TTC7A: variants seen among roughly 807,000 people sequenced by gnomAD.
TTC7A encodes the protein tetratricopeptide repeat protein 7A.
Under a neutral mutation model 103.7 loss-of-function variants are expected in TTC7A, and 110 were observed. The ratio of observed to expected loss-of-function variants is 1.06; its 90% CI spans 0.91 to 1.24. TTC7A has a LOEUF of 1.24. Ranked by LOEUF, TTC7A falls within the 50% of genes most tolerant of loss-of-function variation. The pLI is 0.00. For missense variants in TTC7A, 1,340 were observed against 1,116.3 expected, an observed-to-expected ratio of 1.20 and a Z score of -2.86; for synonymous variants, 521 against 467.9, an observed-to-expected ratio of 1.11 and a Z score of -1.47.
chr2:47,017,018 G>A (rs560104429), intron 11 of TTC7A, among the ~76,000 whole-genome samples: 1 of 152,030 alleles, frequency 6.6e-6, no homozygotes, highest in Non-Finnish European at 1.5e-5. Flanking sequence ...GGCTAACATG[G>A]TGAAACCCCA....
chr2:46,962,762 G>T (rs993868834), intron 3 of TTC7A, among the ~76,000 whole-genome samples: 2 of 152,220 alleles, frequency 1.3e-5, no homozygotes, highest in African/African-American at 4.8e-5. Context: ...CACCAGAAAA[G>T]GCCATTTGTG....
chr2:47,046,284 G>T (rs369389346), intron 15 of TTC7A, 31 bp from the exon 16 acceptor site: 2 of 1,572,316 alleles, frequency 1.3e-6, no homozygotes, highest in African/African-American at 1.4e-5. Flanking sequence ...CCTTGCTGGG[G>T]TGTGCTGATG....
intron 3 of TTC7A, among the ~76,000 whole-genome samples, chr2:46,965,026 A>C (rs957365664): frequency 1.3e-5 from 2 of 152,196 alleles, no homozygotes; most frequent in South Asian, 4.1e-4. Flanking sequence ...CGTGGTGCAC[A>C]TGAACTGTGC....
At chr2:46,982,339 A>C (rs1429788304) in intron 5 of TTC7A, among the ~76,000 whole-genome samples, 1 of 152,050 alleles carries the variant, frequency 6.6e-6, no homozygotes, top group Non-Finnish European at 1.5e-5. Flanking sequence ...GTGCCACTGC[A>C]CTACAGCCTG....
intron 10 of TTC7A, among the ~76,000 whole-genome samples, chr2:47,009,902 T>TGG (rs1677847893): frequency 2.1e-5 from 2 of 95,562 alleles, no homozygotes; most frequent in Admixed American, 2.2e-4. Context: ...TTTTTTTTTT[T>TGG]TGGTGGTGGG....
intron 5 of TTC7A, 65 bp downstream of exon 5, chr2:46,978,972 C>T (rs979648556): frequency 3.5e-6 from 4 of 1,141,384 alleles, no homozygotes; most frequent in African/African-American, 3.0e-5. Flanking sequence ...TTGACGTGGC[C>T]TTAAGGCTGC....
At chr2:47,045,650 T>G (rs1682236413) in intron 15 of TTC7A, 1 of 152,292 alleles carries the variant, frequency 6.6e-6, no homozygotes, top group Non-Finnish European at 1.5e-5. Flanking sequence ...GGGAGCTGGC[T>G]ATTTTGGGAA....
At chr2:47,035,376 C>T (rs994881427) in intron 15 of TTC7A, 3 of 152,238 alleles carry the variant, frequency 2.0e-5, no homozygotes, top group African/African-American at 7.2e-5. Context: ...CCTTGCAAGC[C>T]ACGTGGCAGA....
At chr2:46,936,711 T>A (rs760948602), upstream of TTC7A, among the ~76,000 whole-genome samples, 4 of 152,176 alleles carry the variant, frequency 2.6e-5, no homozygotes, top group Non-Finnish European at 5.9e-5. Context: ...CCAAAGATAA[T>A]TTAGAATTGC....
At chr2:46,951,432 A>G (rs7593939) in intron 2 of TTC7A, among the ~76,000 whole-genome samples, 83,067 of 151,930 alleles carry the variant, frequency 0.55, 22,857 homozygotes, top group East Asian at 0.62. Flanking sequence ...TGTATCCTGA[A>G]CTATAATAGT....
intron 5 of TTC7A, among the ~76,000 whole-genome samples, chr2:46,984,348 AG>A (rs1674785364): frequency 6.6e-6 from 1 of 152,190 alleles, no homozygotes; most frequent in African/African-American, 2.4e-5. Context: ...GGAGGAAGTA[AG>A]GGTGAGGCCC....
At chr2:47,017,246 AG>A (rs1678767663) in intron 11 of TTC7A, among the ~76,000 whole-genome samples, 1 of 140,944 alleles carries the variant, frequency 7.1e-6, no homozygotes, top group Non-Finnish European at 1.5e-5. Context: ...CTGGGGTGGT[AG>A]GTCATGCCTA....
At chr2:47,067,122 A>G (rs1194766216) in intron 19 of TTC7A, among the ~76,000 whole-genome samples, 2 of 152,212 alleles carry the variant, frequency 1.3e-5, no homozygotes, top group African/African-American at 4.8e-5. Context: ...ATCACCTCTT[A>G]AAGGTCTCAC....
chr2:47,041,682 G>A (rs1475859014), intron 15 of TTC7A, among the ~76,000 whole-genome samples: 1 of 151,870 alleles, frequency 6.6e-6, no homozygotes, highest in Non-Finnish European at 1.5e-5. Context: ...GAACCCAGGA[G>A]GCAGAGGTTG....
At chr2:46,926,744 CA>C (rs1211010704) in intron 2 of TTC7A, among the ~76,000 whole-genome samples, 6 of 152,166 alleles carry the variant, frequency 3.9e-5, no homozygotes. Flanking sequence ...GACAACTAGA[CA>C]TGAGGAAACA....
At chr2:46,918,237 G>C (rs945975446) in intron 2 of TTC7A, among the ~76,000 whole-genome samples, 2 of 152,156 alleles carry the variant, frequency 1.3e-5, no homozygotes, top group African/African-American at 4.8e-5. Flanking sequence ...TACTCATTCT[G>C]TTGTTCAAGC....
chr2:46,936,453 A>G (rs184062624), upstream of TTC7A, among the ~76,000 whole-genome samples: 93 of 152,070 alleles, frequency 6.1e-4, no homozygotes, highest in Admixed American at 1.2e-3. Flanking sequence ...ATCTCTCCGG[A>G]CCCTCTGTCT....
rs925918293 is a variant in TTC7A, at chr2:47,011,340, G to A, written c.1297G>A (p.Ala433Thr). 2.0e-5 allele frequency: 32 copies of A among 1,613,228 alleles called. No homozygotes were observed. The highest frequency in any genetic ancestry group is 1.1e-4 in the East Asian group (5 of 44,890). ...CTCTTTTTTTCTGCAGTCAGCCTAC[G>A]CTGTGTCCCTGCTGCGGGAGTGTGT... is the stretch of plus-strand genomic sequence containing the variant. ...SMVACGKSAY[A>T]VSLLRECVKL... Residue 433 changes from alanine to threonine, a missense_variant, in exon 11 of 20, where the codon GCT (alanine) becomes ACT (threonine). By Grantham distance (58) the Ala-to-Thr change is moderately conservative (BLOSUM62 0). Transcript: ENST00000319190.
At position 46,975,120 on chromosome 2, in the gene TTC7A, A is replaced by C; in HGVS notation, c.648+17A>C. On this transcript the variant is annotated intron_variant, in intron 4 of 19. Transcript: ENST00000319190. ...TTGGAGAAGGTGAGCTGGAAATAAC[A>C]CCGTGGTAGGAGCTGCTCTCTATTG... 1 of 1,612,382 alleles carries C rather than the reference A, an allele frequency of 6.2e-7. No homozygotes were observed. Among genetic ancestry groups the C allele is most frequent in the Non-Finnish European group, 8.5e-7 (1 of 1,178,968 alleles).
Sources: gnomAD v4.1 joint callset for allele counts (sites outside exome capture counted in the v4.1 genomes callset) on GRCh38, gnomAD v4.1.1 for gene constraint, MANE v1.5 for transcripts, NCBI Gene and HGNC (gene_info 2026-07-23, HGNC 2026-07-21) for gene names.